The following TMEM244 variants were observed in gnomAD, a reference collection of about 807,000 sequenced individuals.
The protein encoded by TMEM244 is putative transmembrane protein 244.
Under a neutral mutation model 15.8 loss-of-function variants are expected in TMEM244, and 13 were observed. That is an observed-to-expected ratio of 0.82 (90% CI 0.53 to 1.30). The LOEUF (loss-of-function observed/expected upper bound fraction) is 1.30. TMEM244 is among the 50% of genes most tolerant of loss of function. The probability of loss-of-function intolerance (pLI) is 0.00; values close to 1 mark genes in which losing one functional copy is unlikely to be tolerated. For missense variants in TMEM244, 161 were observed against 144.9 expected (o/e 1.11, Z -0.57); for synonymous variants, 45 against 48.7 (o/e 0.92, Z 0.32).
At chr6:129,831,514 G>A (rs1776328991) in intron 4 of TMEM244, 128 bp from the exon 5 acceptor site, 2 of 673,070 alleles carry the variant, frequency 3.0e-6, no homozygotes, top group Non-Finnish European at 5.2e-6. Flanking sequence ...CATGAAATCA[G>A]GTAGCCCCAA....
rs1776361212 is a variant in TMEM244, at chr6:129,833,580, A to C, written c.199T>G (p.Leu67Val). The C allele has an allele frequency of 6.2e-7, 1 of 1,611,146 alleles. No homozygotes were observed. The highest frequency in any genetic ancestry group is 8.5e-7 in the Non-Finnish European group (1 of 1,178,864). Residue 67 changes from leucine to valine, a missense_variant, in exon 4 of 5, where the codon TTA (leucine) becomes GTA (valine). By Grantham distance (32) the Leu-to-Val change is conservative. Coordinates refer to ENST00000368143, the MANE Select transcript of TMEM244 (RefSeq NM_001010876.2). ...AAGTAGGTGACCTCTGTTGAAACTA[A>C]AAGAACTGCAAATACAAGGAAGAAT... ...SWLNINYKVL[L>V]VSTEVTYFVC...
At chr6:129,852,533 G>A (rs911003381) in intron 1 of TMEM244, among the ~76,000 whole-genome samples, 1 of 152,086 alleles carries the variant, frequency 6.6e-6, no homozygotes, top group African/African-American at 2.4e-5. Context: ...CAAGTACTCT[G>A]GCCCATTGAG....
rs773464896 is a variant in TMEM244 at position 129,845,772 on chromosome 6, C to T, written c.114G>A (p.Met38Ile). 6.2e-7 allele frequency: 1 copy of T among 1,609,432 alleles called. No individual in the cohort carries two copies. The highest frequency in any genetic ancestry group is 8.5e-7 in the Non-Finnish European group (1 of 1,177,092). ...YYVSLSMGCV[M>I]FEVHELNVLA... ...GAAGACAATGTGCTACTTACTCAAA[C>T]ATCACGCAGCCCATGCTCAGGGACA... Residue 38 changes from methionine to isoleucine, a missense_variant, in exon 2 of 5, where the codon ATG becomes ATA. Transcript: ENST00000368143.
intron 1 of TMEM244, among the ~76,000 whole-genome samples, chr6:129,849,794 A>C (rs1776610723): frequency 6.6e-6 from 1 of 151,996 alleles, no homozygotes; most frequent in African/African-American, 2.4e-5. Context: ...CAATGCAAGG[A>C]GAAGAGGTAT....
intron 3 of TMEM244, among the ~76,000 whole-genome samples, chr6:129,839,807 C>T (rs965555541): frequency 6.6e-6 from 1 of 152,164 alleles, no homozygotes; most frequent in African/African-American, 2.4e-5. Context: ...AGAGCCAAAA[C>T]ATGAGTGAAC....
chr6:129,856,525 G>A (rs976027752), intron 1 of TMEM244, among the ~76,000 whole-genome samples: 20 of 152,236 alleles, frequency 1.3e-4, no homozygotes, highest in African/African-American at 4.1e-4. Flanking sequence ...TGTTTACTAG[G>A]AAACTTGTGG....
intron 3 of TMEM244, among the ~76,000 whole-genome samples, chr6:129,840,124 CA>C (rs1420556142): frequency 6.6e-6 from 1 of 152,198 alleles, no homozygotes; most frequent in Non-Finnish European, 1.5e-5. Context: ...ATAGCCAAGA[CA>C]ATCCTAAGCA....
intron 3 of TMEM244, 92 bp from the exon 4 acceptor site, chr6:129,833,677 G>C (rs1379117601): frequency 1.5e-6 from 2 of 1,321,950 alleles, no homozygotes; most frequent in Non-Finnish European, 2.0e-6. Context: ...AGCTTACTTT[G>C]AGAATAAATT....
chr6:129,844,389 A>G (rs1227642427), intron 2 of TMEM244, among the ~76,000 whole-genome samples: 1 of 152,174 alleles, frequency 6.6e-6, no homozygotes, highest in Non-Finnish European at 1.5e-5. Context: ...ACAACAAGAT[A>G]CAGGTTCTAA....
intron 1 of TMEM244, among the ~76,000 whole-genome samples, chr6:129,853,610 T>C (rs181516014): frequency 1.9e-4 from 29 of 152,290 alleles, no homozygotes; most frequent in African/African-American, 6.7e-4. Flanking sequence ...GTCATCTTTT[T>C]TGATCAAAAT....
chr6:129,847,780 T>C (rs567410277), intron 1 of TMEM244, among the ~76,000 whole-genome samples: 3 of 150,628 alleles, frequency 2.0e-5, no homozygotes, highest in South Asian at 2.1e-4. Context: ...TTTTTCTTTT[T>C]TTTTTTTTTT....
chr6:129,832,568 G>A (rs1306132757), intron 4 of TMEM244, among the ~76,000 whole-genome samples: 1 of 152,086 alleles, frequency 6.6e-6, no homozygotes, highest in Non-Finnish European at 1.5e-5. Context: ...GAGAAAATAC[G>A]GCGGATGAGT....
chr6:129,835,573 T>C (rs968338122), intron 3 of TMEM244, among the ~76,000 whole-genome samples: 1 of 151,696 alleles, frequency 6.6e-6, no homozygotes, highest in African/African-American at 2.4e-5. Context: ...GTGCAGCCCA[T>C]GGAGGGCAAG....
intron 1 of TMEM244, 70 bp downstream of exon 1, chr6:129,861,086 A>G (rs1776801889): frequency 1.3e-6 from 2 of 1,558,914 alleles, no homozygotes; most frequent in Non-Finnish European, 1.8e-6. Context: ...GGCCATTTAT[A>G]GAACATATTC....
At position 129,856,109 on chromosome 6, in the gene TMEM244, T is replaced by C. The variant is rs552520641; in HGVS notation, c.33+5047A>G. 2.8e-3 allele frequency among the ~76,000 whole-genome samples: 432 copies of C among 152,266 alleles called. 2 individuals carry two copies. Among genetic ancestry groups the C allele is most frequent in the African/African-American group, 9.8e-3 (409 of 41,580 alleles). ...CATTTATTTTTTATAACCTATGGTC[T>C]TTTTTATTTTCTGAGTGCCATAATT... is the stretch of plus-strand genomic sequence containing the variant. On this transcript the variant is annotated intron_variant, in intron 1 of 4. Coordinates refer to ENST00000368143, the MANE Select transcript of TMEM244 (RefSeq NM_001010876.2).
intron 3 of TMEM244, among the ~76,000 whole-genome samples, chr6:129,835,795 C>A (rs1037176567): frequency 1.6e-4 from 24 of 152,208 alleles, no homozygotes; most frequent in Middle Eastern, 3.2e-3. Flanking sequence ...CGGAGCCTTG[C>A]TCACTGCTAG....
chr6:129,838,688 T>A (rs537267707), intron 3 of TMEM244, among the ~76,000 whole-genome samples: 2 of 151,748 alleles, frequency 1.3e-5, no homozygotes, highest in African/African-American at 4.8e-5. Context: ...CTAGCAAGAC[T>A]AATAAAGAAG....
At chr6:129,843,787 T>A (rs535835066) in intron 2 of TMEM244, among the ~76,000 whole-genome samples, 184 bp from the exon 3 acceptor site, 1 of 152,328 alleles carries the variant, frequency 6.6e-6, no homozygotes, top group African/African-American at 2.4e-5. Context: ...CTCTATAGAA[T>A]CTTTTTCTGA....
intron 3 of TMEM244, among the ~76,000 whole-genome samples, chr6:129,835,313 T>C (rs1362196876): frequency 6.6e-6 from 1 of 151,374 alleles, no homozygotes; most frequent in Non-Finnish European, 1.5e-5. Flanking sequence ...TGGGAGGATC[T>C]CTTGAGTGCA....
Sources: gnomAD v4.1 joint callset for allele counts (sites outside exome capture counted in the v4.1 genomes callset) on GRCh38, gnomAD v4.1.1 for gene constraint, MANE v1.5 for transcripts, NCBI Gene and HGNC (gene_info 2026-07-23, HGNC 2026-07-21) for gene names.